SBF2: variants seen among roughly 807,000 people sequenced by gnomAD.
SBF2 encodes the protein myotubularin-related protein 13.
Under a neutral mutation model 225.2 loss-of-function variants are expected in SBF2, and 112 were observed. The observed-to-expected ratio is 0.50, with a 90% CI of 0.43 to 0.58. The LOEUF (loss-of-function observed/expected upper bound fraction) is 0.58, where lower values mean the gene tolerates loss of function less well. Ranked by LOEUF, SBF2 falls within the 20% of genes least tolerant of loss-of-function variation. SBF2 has a pLI of 0.00. For synonymous variants in SBF2, 763 were observed against 773.3 expected (o/e 0.99, Z 0.22); for missense variants, 1,996 against 2,206.2 (o/e 0.90, Z 1.91).
At chr11:10,198,194 T>C (rs1305030334) in intron 1 of SBF2, among the ~76,000 whole-genome samples, 1 of 152,234 alleles carries the variant, frequency 6.6e-6, no homozygotes, top group Non-Finnish European at 1.5e-5. Context: ...GCTACAGGCT[T>C]ATGGAATGTA....
At chr11:9,780,635 T>C (rs1851944109) in intron 39 of SBF2, 119 bp from the exon 40 acceptor site, 10 of 799,942 alleles carry the variant, frequency 1.3e-5, no homozygotes, top group East Asian at 2.6e-5. Flanking sequence ...AACGTCTGTA[T>C]GAATTTTTCT....
chr11:10,186,813 T>C (rs1002753333), intron 2 of SBF2, among the ~76,000 whole-genome samples: 3 of 152,180 alleles, frequency 2.0e-5, no homozygotes, highest in Non-Finnish European at 4.4e-5. Flanking sequence ...TAAAACACAG[T>C]AAATCACAAA....
At chr11:10,188,216 T>C (rs1957017419) in intron 2 of SBF2, among the ~76,000 whole-genome samples, 1 of 152,080 alleles carries the variant, frequency 6.6e-6, no homozygotes. Flanking sequence ...TTGCTAAAAT[T>C]ATAGATACAA....
chr11:9,913,518 T>C (rs1010790901), intron 16 of SBF2, among the ~76,000 whole-genome samples: 1 of 152,166 alleles, frequency 6.6e-6, no homozygotes, highest in Non-Finnish European at 1.5e-5. Context: ...AAGTTGAACA[T>C]ATGCATATCC....
At chr11:10,235,653 C>A (rs554103946) in intron 1 of SBF2, among the ~76,000 whole-genome samples, 1 of 152,094 alleles carries the variant, frequency 6.6e-6, no homozygotes, top group African/African-American at 2.4e-5. Flanking sequence ...ATCCTTCAAA[C>A]GTTTCTATAG....
At chr11:9,808,842 A>C in intron 31 of SBF2, 59 bp downstream of exon 31, 1 of 1,281,922 alleles carries the variant, frequency 7.8e-7, no homozygotes, top group Non-Finnish European at 1.1e-6. Flanking sequence ...TGAAGAATTT[A>C]AAAATGACCA....
At position 10,156,453 on chromosome 11, in the gene SBF2, A is replaced by G. The variant is rs572900981; in HGVS notation, c.141+37449T>C. 3.9e-4 allele frequency among the ~76,000 whole-genome samples: 60 copies of G among 152,264 alleles called. 1 individual carries two copies. The highest frequency in any genetic ancestry group is 1.3e-3 in the African/African-American group (54 of 41,560). On this transcript the variant is annotated intron_variant, in intron 2 of 39. Transcript: ENST00000256190. ...GGGGCCGGTCCTCGGTGAAACCCCC[A>G]CCTTCAGGCCAAGGATAGCCTGAAG...
At chr11:9,816,765 T>C (rs1418676896) in intron 29 of SBF2, 75 bp downstream of exon 29, 5 of 1,452,176 alleles carry the variant, frequency 3.4e-6, no homozygotes, top group Non-Finnish European at 4.8e-6. Context: ...CTAGCAAAGC[T>C]GGTTTGTGAT....
intron 16 of SBF2, chr11:9,958,525 A>G (rs1194998677): frequency 6.3e-6 from 1 of 159,618 alleles, no homozygotes; most frequent in Non-Finnish European, 1.4e-5. Flanking sequence ...CGCCCGGCTA[A>G]TTTTTTGTAT....
Position 9,839,479 on chromosome 11 carries a change from A to G in SBF2, c.3455+19T>C, listed in dbSNP as rs1275040171. On this transcript the variant is annotated intron_variant, in intron 26 of 39. Transcript: ENST00000256190. ...GAAAGGAAGGAAGACCTCTTTTTGG[A>G]GCCCACTGACACACTTACCTCCGGC... 5 of 1,611,218 alleles carry G rather than the reference A, an allele frequency of 3.1e-6. No individual in the cohort carries two copies. The South Asian group carries it at 4.4e-5, about 14-fold the overall frequency.
intron 1 of SBF2, among the ~76,000 whole-genome samples, chr11:10,304,443 A>G (rs576027788): frequency 2.6e-5 from 4 of 152,280 alleles, no homozygotes; most frequent in African/African-American, 9.6e-5. Flanking sequence ...TCCAAATCCC[A>G]ATTCTCAATT....
rs1456422975 is a variant in SBF2 at position 9,853,527 on chromosome 11, GCA to G, written c.2536+11_2536+12del. 1.9e-6 allele frequency: 3 copies of G among 1,610,140 alleles called. No individual in the cohort carries two copies. Among genetic ancestry groups the G allele is most frequent in the Non-Finnish European group, 2.5e-6 (3 of 1,176,620 alleles). On this transcript the variant is annotated intron_variant, in intron 20 of 39. Transcript: ENST00000256190. ...CCAATATTCTGATTCTCTAATATCT[GCA>G]GAGTGATTACCTGGTATCATGCAAT... is the stretch of plus-strand genomic sequence containing the variant.
At chr11:10,300,245 G>A (rs1161426306) in intron 1 of SBF2, among the ~76,000 whole-genome samples, 1 of 152,210 alleles carries the variant, frequency 6.6e-6, no homozygotes, top group Admixed American at 6.5e-5. Flanking sequence ...GGGTAAGTTT[G>A]TTGATGACTG....
chr11:10,037,709 T>C (rs1949497696), intron 3 of SBF2, among the ~76,000 whole-genome samples: 1 of 151,210 alleles, frequency 6.6e-6, no homozygotes, highest in Non-Finnish European at 1.5e-5. Flanking sequence ...AATTTTTTCC[T>C]GCATGTTCTC....
chr11:10,023,121 C>A (rs1948922794), intron 6 of SBF2, among the ~76,000 whole-genome samples: 1 of 151,960 alleles, frequency 6.6e-6, no homozygotes, highest in Admixed American at 6.6e-5. Flanking sequence ...AGATAATTGC[C>A]CTCAACTACT....
intron 2 of SBF2, among the ~76,000 whole-genome samples, chr11:10,157,251 A>G (rs1164494641): frequency 1.3e-5 from 2 of 152,154 alleles, no homozygotes; most frequent in African/African-American, 4.8e-5. Context: ...TCCTTACACC[A>G]TATACAAAAA....
intron 2 of SBF2, among the ~76,000 whole-genome samples, chr11:10,186,857 A>G (rs962511463): frequency 1.3e-5 from 2 of 152,238 alleles, no homozygotes; most frequent in Non-Finnish European, 2.9e-5. Flanking sequence ...AACTGGGGGC[A>G]AAGACCAAAC....
intron 26 of SBF2, chr11:9,838,317 C>T (rs2133949101): frequency 6.6e-6 from 1 of 151,670 alleles, no homozygotes; most frequent in South Asian, 2.1e-4. Context: ...TCTAATAAGT[C>T]ATCTATTAAA....
At chr11:9,908,124 A>G (rs1238687648) in intron 16 of SBF2, among the ~76,000 whole-genome samples, 1 of 152,234 alleles carries the variant, frequency 6.6e-6, no homozygotes, top group East Asian at 1.9e-4. Context: ...TATCCTCAAG[A>G]GAGTTTGAAA....
Sources: gnomAD v4.1 joint callset for allele counts (sites outside exome capture counted in the v4.1 genomes callset) on GRCh38, gnomAD v4.1.1 for gene constraint, MANE v1.5 for transcripts, NCBI Gene and HGNC (gene_info 2026-07-23, HGNC 2026-07-21) for gene names.